The following INSYN2A variants were observed in gnomAD, a reference collection of about 807,000 sequenced individuals.
INSYN2A encodes the protein inhibitory synaptic factor 2A, also known as family with sequence similarity 196 member A.
INSYN2A carries 17 observed loss-of-function variants against 39.4 expected under a neutral mutation model. That is an observed-to-expected ratio of 0.43 (90% CI 0.30 to 0.65). INSYN2A has a LOEUF of 0.65. INSYN2A is among the 30% of genes least tolerant of loss of function. The pLI is 0.14. For synonymous variants in INSYN2A, 255 were observed against 265.7 expected (o/e 0.96, Z 0.39); for missense variants, 595 against 631.2 (o/e 0.94, Z 0.61).
chr10:127,185,058 G>C (rs530602317), intron 2 of INSYN2A, among the ~76,000 whole-genome samples: 1 of 152,310 alleles, frequency 6.6e-6, no homozygotes, highest in Admixed American at 6.5e-5. Flanking sequence ...AGTGCTCCCT[G>C]GGGAGTCAGG....
intron 2 of INSYN2A, among the ~76,000 whole-genome samples, chr10:127,181,258 G>A (rs1218319367): frequency 6.6e-6 from 1 of 152,194 alleles, no homozygotes; most frequent in Non-Finnish European, 1.5e-5. Context: ...GTCAATATTT[G>A]AGCAAACGTA....
intron 4 of INSYN2A, among the ~76,000 whole-genome samples, chr10:127,165,291 T>C (rs1346468095): frequency 6.6e-6 from 1 of 152,230 alleles, no homozygotes; most frequent in Non-Finnish European, 1.5e-5. Context: ...CTTGGAGCTT[T>C]AGTGCTTTGT....
intron 2 of INSYN2A, among the ~76,000 whole-genome samples, chr10:127,178,841 T>C (rs959025038): frequency 1.8e-4 from 28 of 152,136 alleles, no homozygotes; most frequent in African/African-American, 6.3e-4. Flanking sequence ...CGATGGCTTT[T>C]AGAGATTCTT....
At chr10:127,158,846 T>C (rs1018334644) in intron 4 of INSYN2A, among the ~76,000 whole-genome samples, 5 of 152,174 alleles carry the variant, frequency 3.3e-5, no homozygotes, top group African/African-American at 1.2e-4. Flanking sequence ...TTGGAAAACA[T>C]CGCATTCAGC....
chr10:127,142,070 G>T (rs2051315998), intron 5 of INSYN2A, among the ~76,000 whole-genome samples: 1 of 152,214 alleles, frequency 6.6e-6, no homozygotes, highest in Admixed American at 6.5e-5. Context: ...GCTAAGGGGA[G>T]CGTGAGAGTT....
intron 1 of INSYN2A, among the ~76,000 whole-genome samples, chr10:127,195,523 T>TCC (rs144810960): frequency 5.3e-4 from 78 of 148,262 alleles, no homozygotes; most frequent in South Asian, 3.9e-3. Flanking sequence ...TTCCAACTCA[T>TCC]CCCCCCCCCG....
chr10:127,140,805 C>T (rs1007491308), intron 5 of INSYN2A, among the ~76,000 whole-genome samples: 2 of 152,214 alleles, frequency 1.3e-5, no homozygotes, highest in African/African-American at 4.8e-5. Flanking sequence ...GCAGCAACAC[C>T]TGCTCTTCTG....
rs763246374 is a variant in INSYN2A at position 127,176,745 on chromosome 10, C to A, written c.-6+132G>T. On this transcript the variant is annotated intron_variant, in intron 3 of 5. Transcript: ENST00000522781. This position sits in a 1 kb window ranked among gnomAD's most constrained non-coding sequence, Gnocchi z 4.4. ...CTGCTTTGCAAATTATCTTTTCACA[C>A]GCGTGACTCCCCTTCTTAGGCAGAT... 1 of 199,190 alleles carries A rather than the reference C, an allele frequency of 5.0e-6. No individual in the cohort carries two copies. 12.3% of individuals were successfully genotyped at this position (199,190 alleles called of 1,614,324 possible).
chr10:127,180,368 T>C (rs1163172076), intron 2 of INSYN2A, among the ~76,000 whole-genome samples: 2 of 152,202 alleles, frequency 1.3e-5, no homozygotes, highest in Non-Finnish European at 2.9e-5. Context: ...TTTGGGGAGC[T>C]GATCTCTTGG....
At chr10:127,146,144 G>A (rs117367773) in intron 5 of INSYN2A, 1 of 461,744 alleles carries the variant, frequency 2.2e-6, no homozygotes, top group Admixed American at 2.3e-5. Flanking sequence ...GAAACTGACA[G>A]CGTAGTCCCC....
At chr10:127,190,615 A>G (rs1404812956) in intron 2 of INSYN2A, among the ~76,000 whole-genome samples, 2 of 141,816 alleles carry the variant, frequency 1.4e-5, no homozygotes, top group South Asian at 4.5e-4. Flanking sequence ...TTTTTAAATA[A>G]TATTTCCAGT....
At chr10:127,160,897 G>A (rs1051912013) in intron 4 of INSYN2A, among the ~76,000 whole-genome samples, 1 of 152,068 alleles carries the variant, frequency 6.6e-6, no homozygotes, top group Admixed American at 6.5e-5. Context: ...GTCTCTTCTC[G>A]ATAACTAAGC....
In INSYN2A at chr10:127,145,096, C is replaced by G. The variant is rs367882837; in HGVS notation, c.1257-7076G>C. ...CTGGAGAACTTGCTTGACTGAAGCT[C>G]ATCCTAGGTGCCCATCTTACCTGTG... is the stretch of plus-strand genomic sequence containing the variant. On this transcript the variant is annotated intron_variant, in intron 5 of 5. Coordinates refer to ENST00000522781, the MANE Select transcript of INSYN2A (RefSeq NM_001039762.3). 6.6e-5 allele frequency among the ~76,000 whole-genome samples: 10 copies of G among 152,256 alleles called. No individual in the cohort carries two copies. In the East Asian group the frequency reaches 1.7e-3, roughly 26 times the overall value.
intron 5 of INSYN2A, chr10:127,145,778 C>T (rs553801738): frequency 2.2e-4 from 67 of 299,776 alleles, no homozygotes; most frequent in African/African-American, 1.5e-3. Context: ...AGCTCCCACT[C>T]CATCCTGATA....
intron 5 of INSYN2A, among the ~76,000 whole-genome samples, chr10:127,144,794 A>G (rs1331157353): frequency 6.6e-6 from 1 of 152,158 alleles, no homozygotes; most frequent in Non-Finnish European, 1.5e-5. Flanking sequence ...TTCCTTTACC[A>G]CTATTTTACA....
intron 4 of INSYN2A, among the ~76,000 whole-genome samples, chr10:127,161,637 C>T (rs1337313591): frequency 1.3e-5 from 2 of 152,180 alleles, no homozygotes; most frequent in African/African-American, 2.4e-5. Context: ...ACCTCTCCAG[C>T]TGCCCGGCTG....
At chr10:127,159,420 T>C (rs2053391507) in intron 4 of INSYN2A, among the ~76,000 whole-genome samples, 1 of 152,212 alleles carries the variant, frequency 6.6e-6, no homozygotes. Context: ...TCTTCAGTTG[T>C]TACTATCAGC....
chr10:127,191,159 A>G (rs575038791), intron 2 of INSYN2A, among the ~76,000 whole-genome samples: 3 of 152,122 alleles, frequency 2.0e-5, no homozygotes, highest in Non-Finnish European at 2.9e-5. Context: ...CAGGAGTGCA[A>G]TCTCAAGCAT....
intron 5 of INSYN2A, among the ~76,000 whole-genome samples, chr10:127,149,520 C>T (rs1214737035): frequency 1.3e-5 from 2 of 152,200 alleles, no homozygotes; most frequent in African/African-American, 2.4e-5. Context: ...AAGCCCCAGG[C>T]AGCCGGGTCT....
Sources: gnomAD v4.1 joint callset for allele counts (sites outside exome capture counted in the v4.1 genomes callset) on GRCh38, gnomAD v4.1.1 for gene constraint, Gnocchi (gnomAD v3.1) non-coding constraint, MANE v1.5 for transcripts, NCBI Gene and HGNC (gene_info 2026-07-23, HGNC 2026-07-21) for gene names.